The following ART3 variants were observed in gnomAD, a reference collection of about 807,000 sequenced individuals.
ART3 encodes the protein ecto-ADP-ribosyltransferase 3.
ART3 carries 49 observed loss-of-function variants against 48.5 expected under a neutral mutation model. The observed-to-expected ratio is 1.01, with a 90% CI of 0.80 to 1.28. The LOEUF is 1.28. Ranked by LOEUF, ART3 falls within the 50% of genes most tolerant of loss-of-function variation. The pLI is 0.00. For missense variants in ART3, 438 were observed against 454.3 expected, an observed-to-expected ratio of 0.96 and a Z score of 0.33; for synonymous variants, 145 against 157.2, an observed-to-expected ratio of 0.92 and a Z score of 0.58.
intron 1 of ART3, among the ~76,000 whole-genome samples, chr4:76,019,611 G>A (rs559974056): frequency 7.8e-6 from 1 of 128,344 alleles, no homozygotes; most frequent in South Asian, 2.8e-4. Flanking sequence ...CCGCCACTAC[G>A]CCTGGCTAAT....
At chr4:76,069,572 T>C (rs1720110856) in intron 1 of ART3, among the ~76,000 whole-genome samples, 1 of 151,822 alleles carries the variant, frequency 6.6e-6, no homozygotes, top group African/African-American at 2.4e-5. Context: ...GTATTTTTAG[T>C]AGATACACGG....
chr4:76,105,623 G>A, intron 10 of ART3: 4 of 1,264,574 alleles, frequency 3.2e-6, no homozygotes, highest in East Asian at 5.7e-5. Context: ...CATTCAGTTA[G>A]TTCAGTCTTA....
intron 6 of ART3, 122 bp from the exon 7 acceptor site, chr4:76,100,673 A>T: frequency 8.7e-7 from 1 of 1,154,570 alleles, no homozygotes; most frequent in Non-Finnish European, 1.2e-6. Context: ...ATTTTGCAAG[A>T]TACCTCCCTT....
At chr4:76,059,432 A>G (rs1718988720) in intron 1 of ART3, among the ~76,000 whole-genome samples, 1 of 146,392 alleles carries the variant, frequency 6.8e-6, no homozygotes, top group South Asian at 2.1e-4. Context: ...TTACTTTTTA[A>G]TTGACTATAA....
chr4:76,061,885 C>T (rs1719246485), intron 1 of ART3, among the ~76,000 whole-genome samples: 1 of 152,084 alleles, frequency 6.6e-6, no homozygotes, highest in Admixed American at 6.5e-5. Context: ...AGAAGAATGC[C>T]AAAGAATAAG....
intron 10 of ART3, chr4:76,106,049 G>A: frequency 1.0e-6 from 1 of 985,338 alleles, no homozygotes; most frequent in Non-Finnish European, 1.2e-6. Context: ...AAGGTGATGT[G>A]AAAACAGTAC....
chr4:76,101,460 T>G (rs950067379), intron 8 of ART3, among the ~76,000 whole-genome samples: 11 of 152,252 alleles, frequency 7.2e-5, no homozygotes, highest in African/African-American at 2.7e-4. Flanking sequence ...TATTTGTTTT[T>G]GTTTTATTTT....
At chr4:76,046,922 G>A (rs1277749088) in intron 1 of ART3, among the ~76,000 whole-genome samples, 1 of 151,800 alleles carries the variant, frequency 6.6e-6, no homozygotes, top group African/African-American at 2.4e-5. Flanking sequence ...GGCCGCGCCA[G>A]TGTCCAGGAG....
upstream of ART3, among the ~76,000 whole-genome samples, chr4:76,074,179 C>G (rs1720624329): frequency 6.6e-6 from 1 of 152,184 alleles, no homozygotes; most frequent in African/African-American, 2.4e-5. Flanking sequence ...AATGTTATCA[C>G]TGGACTTTGT....
chr4:76,090,568 A>C (rs1286425083), intron 3 of ART3, among the ~76,000 whole-genome samples: 1 of 152,192 alleles, frequency 6.6e-6, no homozygotes, highest in Non-Finnish European at 1.5e-5. Flanking sequence ...GACTGCGTCT[A>C]ATGTTTCTAA....
chr4:76,031,381 G>T (rs1277920356), intron 1 of ART3, among the ~76,000 whole-genome samples: 1 of 152,080 alleles, frequency 6.6e-6, no homozygotes, highest in African/African-American at 2.4e-5. Flanking sequence ...TTGTAAAGAT[G>T]ATATGAGAAT....
At chr4:76,048,326 AT>A (rs1323935952) in intron 1 of ART3, among the ~76,000 whole-genome samples, 1 of 151,752 alleles carries the variant, frequency 6.6e-6, no homozygotes, top group Non-Finnish European at 1.5e-5. Flanking sequence ...TCAGGTGGCC[AT>A]TTTTCCCCAT....
At chr4:76,021,975 AG>A in intron 1 of ART3, 2 of 1,597,388 alleles carry the variant, frequency 1.3e-6, no homozygotes, top group Non-Finnish European at 1.7e-6. Context: ...GGGATATAAA[AG>A]TGTGATAGTC....
intron 3 of ART3, among the ~76,000 whole-genome samples, chr4:76,091,079 T>C (rs1454593124): frequency 6.6e-6 from 1 of 152,268 alleles, no homozygotes; most frequent in African/African-American, 2.4e-5. Flanking sequence ...TTGTTGCATG[T>C]ATCAATAGTT....
intron 4 of ART3, among the ~76,000 whole-genome samples, chr4:76,098,186 T>G (rs1053351825): frequency 9.1e-6 from 1 of 109,778 alleles, no homozygotes; most frequent in Non-Finnish European, 1.9e-5. Context: ...CGGGGAAAAA[T>G]AAGAGGATGT....
chr4:76,104,150 C>G (rs954515056), intron 9 of ART3, among the ~76,000 whole-genome samples, 181 bp downstream of exon 9: 2 of 152,190 alleles, frequency 1.3e-5, no homozygotes, highest in Non-Finnish European at 1.5e-5. Context: ...CCTGTGCATT[C>G]ATGTGCTCCT....
chr4:76,024,960 A>C (rs1053486159), intron 1 of ART3, among the ~76,000 whole-genome samples: 2 of 152,212 alleles, frequency 1.3e-5, no homozygotes, highest in African/African-American at 4.8e-5. Flanking sequence ...TCATTAAAGC[A>C]GAGAGTGAGT....
intron 1 of ART3, chr4:76,022,440 C>T: frequency 6.2e-7 from 1 of 1,613,074 alleles, no homozygotes. Flanking sequence ...TCTCACCCTT[C>T]TTTTTCATTG....
intron 1 of ART3, chr4:76,022,527 C>A: frequency 6.6e-7 from 1 of 1,507,626 alleles, no homozygotes; most frequent in Non-Finnish European, 9.1e-7. Flanking sequence ...ATACGCAGTT[C>A]TGAAGTCAGA....
Sources: gnomAD v4.1 joint callset for allele counts (sites outside exome capture counted in the v4.1 genomes callset) on GRCh38, gnomAD v4.1.1 for gene constraint, MANE v1.5 for transcripts, NCBI Gene and HGNC (gene_info 2026-07-23, HGNC 2026-07-21) for gene names.